Variants in OPCML observed in about 807,000 individuals in gnomAD.
OPCML encodes opioid-binding protein/cell adhesion molecule.
Under a neutral mutation model 37.8 loss-of-function variants are expected in OPCML, and 13 were observed. The ratio of observed to expected loss-of-function variants is 0.34; its 90% CI spans 0.22 to 0.55. The LOEUF (loss-of-function observed/expected upper bound fraction) is 0.55. OPCML is among the 20% of genes least tolerant of loss of function. OPCML has a pLI of 0.91. For missense variants in OPCML, 341 were observed against 435.6 expected, an observed-to-expected ratio of 0.78 and a Z score of 1.93; for synonymous variants, 176 against 168.8, an observed-to-expected ratio of 1.04 and a Z score of -0.33.
chr11:132,574,206 C>T (rs996811423), intron 3 of OPCML, among the ~76,000 whole-genome samples: 3 of 137,468 alleles, frequency 2.2e-5, no homozygotes, highest in East Asian at 2.0e-4. Context: ...TTATTTCTAC[C>T]GTTTTTCTAT....
chr11:133,235,888 C>G (rs1311855449), intron 1 of OPCML, among the ~76,000 whole-genome samples: 3 of 152,160 alleles, frequency 2.0e-5, no homozygotes, highest in Non-Finnish European at 2.9e-5. Flanking sequence ...GAGGGTTGGA[C>G]AAGATTTGCA....
At chr11:132,467,293 G>A (rs1474749008) in intron 4 of OPCML, among the ~76,000 whole-genome samples, 1 of 152,216 alleles carries the variant, frequency 6.6e-6, no homozygotes, top group East Asian at 1.9e-4. Flanking sequence ...AGGAAAGCAA[G>A]AGTTCCCGTC....
chr11:132,589,261 C>G (rs2096480046), intron 3 of OPCML, among the ~76,000 whole-genome samples: 1 of 152,154 alleles, frequency 6.6e-6, no homozygotes, highest in Non-Finnish European at 1.5e-5. Flanking sequence ...ATCCCTCACC[C>G]AACACCACTT....
At chr11:133,483,353 AG>A (rs1947423349) in intron 1 of OPCML, among the ~76,000 whole-genome samples, 1 of 151,774 alleles carries the variant, frequency 6.6e-6, no homozygotes, top group African/African-American at 2.4e-5. Flanking sequence ...AGATATAGAT[AG>A]ATAGATAGCT....
chr11:133,139,951 C>A (rs370230400), intron 1 of OPCML, among the ~76,000 whole-genome samples: 28 of 152,008 alleles, frequency 1.8e-4, no homozygotes, highest in African/African-American at 6.5e-4. Context: ...CTTTGGGAGG[C>A]CAAGATGGGC....
intron 1 of OPCML, chr11:133,361,274 C>G (rs1210261977): frequency 1.3e-5 from 2 of 152,336 alleles, no homozygotes; most frequent in South Asian, 2.1e-4. Context: ...GGTGAAGTCC[C>G]GCGTGGAGGG....
chr11:132,492,187 A>G (rs2137074478), intron 4 of OPCML, among the ~76,000 whole-genome samples: 1 of 152,154 alleles, frequency 6.6e-6, no homozygotes, highest in South Asian at 2.1e-4. Context: ...TTTGAGACCC[A>G]TGGTAAAGAT....
chr11:133,465,102 G>C (rs1295804795), intron 1 of OPCML, among the ~76,000 whole-genome samples: 1 of 152,182 alleles, frequency 6.6e-6, no homozygotes, highest in Non-Finnish European at 1.5e-5. Context: ...GAGAACAGGA[G>C]TTTACAATCA....
At position 133,471,772 on chromosome 11, in the gene OPCML, T is replaced by C. The variant is rs142664468; in HGVS notation, c.61+60492A>G. Among the ~76,000 whole-genome samples the C allele has an allele frequency of 3.4e-3, 523 of 152,320 alleles. 1 individual carries two copies. The highest frequency in any genetic ancestry group is 0.012 in the African/African-American group (482 of 41,576). The stretch of plus-strand genomic sequence containing the variant: ...ACAGGGTCTAAAATTGAATAGGTTA[T>C]TTTCAAAACATGGATATGCTATAAA... On this transcript the variant is annotated intron_variant, in intron 1 of 7. Coordinates refer to ENST00000524381, the MANE Select transcript of OPCML (RefSeq NM_001012393.5).
At chr11:132,756,053 A>G (rs1309474802) in intron 2 of OPCML, among the ~76,000 whole-genome samples, 1 of 152,228 alleles carries the variant, frequency 6.6e-6, no homozygotes, top group Non-Finnish European at 1.5e-5. Flanking sequence ...TGCTAGGGGC[A>G]GCCTACTTGC....
intron 1 of OPCML, among the ~76,000 whole-genome samples, chr11:133,389,096 A>T (rs1391806682): frequency 1.3e-5 from 2 of 152,258 alleles, no homozygotes; most frequent in African/African-American, 4.8e-5. Flanking sequence ...CTTACCAACA[A>T]TCCCCAGTAA....
chr11:133,433,925 G>A (rs1555158017), intron 1 of OPCML, among the ~76,000 whole-genome samples: 1 of 152,050 alleles, frequency 6.6e-6, no homozygotes, highest in Non-Finnish European at 1.5e-5. Flanking sequence ...GGGCAGAACC[G>A]GCTTCACCAT....
At chr11:132,724,007 C>G (rs1440656533) in intron 2 of OPCML, among the ~76,000 whole-genome samples, 4 of 152,170 alleles carry the variant, frequency 2.6e-5, no homozygotes, top group Non-Finnish European at 2.9e-5. Flanking sequence ...TTCAAGAGAA[C>G]TGCCCAGTTG....
intron 4 of OPCML, among the ~76,000 whole-genome samples, chr11:132,496,946 T>G (rs2096233115): frequency 6.6e-6 from 1 of 152,202 alleles, no homozygotes; most frequent in South Asian, 2.1e-4. Context: ...TTATATGCAC[T>G]GCTTAATTTA....
chr11:132,867,094 T>C (rs539922397), intron 2 of OPCML, among the ~76,000 whole-genome samples: 1 of 152,350 alleles, frequency 6.6e-6, no homozygotes, highest in East Asian at 1.9e-4. Context: ...TGAGCTCACT[T>C]AGAGAAAAAT....
intron 2 of OPCML, among the ~76,000 whole-genome samples, chr11:132,680,560 A>G (rs555085469): frequency 1.2e-3 from 177 of 152,330 alleles, no homozygotes; most frequent in Middle Eastern, 3.4e-3. Context: ...AGGCGCAGTC[A>G]AGTAAGAAGA....
chr11:132,769,361 T>C (rs1022654598), intron 2 of OPCML, among the ~76,000 whole-genome samples: 8 of 151,692 alleles, frequency 5.3e-5, no homozygotes, highest in African/African-American at 1.9e-4. Context: ...CCTCATATGC[T>C]GAGTAGTTTT....
chr11:133,514,279 G>A (rs931823922), intron 1 of OPCML, among the ~76,000 whole-genome samples: 4 of 152,210 alleles, frequency 2.6e-5, no homozygotes, highest in African/African-American at 7.2e-5. Flanking sequence ...GTGTGCAAGG[G>A]AGGCGAGTTG....
intron 1 of OPCML, among the ~76,000 whole-genome samples, chr11:133,203,386 CCT>C (rs1385899834): frequency 1.3e-5 from 2 of 152,164 alleles, no homozygotes; most frequent in African/African-American, 4.8e-5. Flanking sequence ...GCTGCTGTTT[CCT>C]CTCTCAACCT....
Sources: gnomAD v4.1 joint callset for allele counts (sites outside exome capture counted in the v4.1 genomes callset) on GRCh38, gnomAD v4.1.1 for gene constraint, MANE v1.5 for transcripts, NCBI Gene and HGNC (gene_info 2026-07-23, HGNC 2026-07-21) for gene names.